Variants in SLC39A11 observed in about 807,000 individuals in gnomAD.
SLC39A11 encodes the protein solute carrier family 39 member 11.
In SLC39A11, 33 loss-of-function variants were observed where a neutral mutation model predicts 36.1. That is an observed-to-expected ratio of 0.91 (90% CI 0.69 to 1.22). The LOEUF is 1.22. SLC39A11 is among the 50% of genes most tolerant of loss of function. The pLI is 0.00. For missense variants in SLC39A11, 432 were observed against 430.3 expected (o/e 1.00, Z -0.03); for synonymous variants, 166 against 170.3 (o/e 0.97, Z 0.20).
chr17:72,774,614 G>A (rs534336961), intron 6 of SLC39A11, among the ~76,000 whole-genome samples: 1 of 152,146 alleles, frequency 6.6e-6, no homozygotes, highest in Admixed American at 6.5e-5. Flanking sequence ...CCTGGAGGGG[G>A]ACTCTGATCT....
intron 7 of SLC39A11, among the ~76,000 whole-genome samples, chr17:72,717,024 CAT>C (rs1491095122): frequency 4.9e-4 from 69 of 140,912 alleles, no homozygotes; most frequent in African/African-American, 1.4e-3. Flanking sequence ...CACACACACA[CAT>C]ATACACATAT....
intron 7 of SLC39A11, among the ~76,000 whole-genome samples, chr17:72,691,318 A>C (rs181632915): frequency 1.8e-4 from 28 of 152,146 alleles, no homozygotes; most frequent in Middle Eastern, 6.8e-3. Context: ...AATTCTCTGC[A>C]CCTGTTTCTT....
chr17:72,962,939 C>A (rs924756780), intron 4 of SLC39A11, among the ~76,000 whole-genome samples: 1 of 152,110 alleles, frequency 6.6e-6, no homozygotes, highest in Non-Finnish European at 1.5e-5. Flanking sequence ...TCTGCAAGAC[C>A]AGCAGGAGAC....
chr17:73,000,827 C>T (rs2089779988), intron 4 of SLC39A11, among the ~76,000 whole-genome samples: 1 of 152,188 alleles, frequency 6.6e-6, no homozygotes, highest in African/African-American at 2.4e-5. Flanking sequence ...TACATTTTTG[C>T]TTTGCTAGTT....
intron 7 of SLC39A11, among the ~76,000 whole-genome samples, chr17:72,699,790 G>C (rs986359615): frequency 1.3e-5 from 2 of 152,190 alleles, no homozygotes; most frequent in African/African-American, 4.8e-5. Context: ...GTGTTGCTCT[G>C]TGCTGTTAAC....
intron 3 of SLC39A11, among the ~76,000 whole-genome samples, chr17:73,046,544 T>C (rs2059298468): frequency 6.6e-6 from 1 of 152,194 alleles, no homozygotes; most frequent in Non-Finnish European, 1.5e-5. Flanking sequence ...AAATACTTGT[T>C]TTAGTATAAG....
At chr17:73,045,386 TAAAAAAAAAA>T (rs374832995) in intron 3 of SLC39A11, among the ~76,000 whole-genome samples, 601 of 41,744 alleles carry the variant, frequency 0.014, 8 homozygotes, top group Admixed American at 0.02. Context: ...AAAACAGAGT[TAAAAAAAAAA>T]AAAAAAAAAA....
At chr17:72,728,689 G>C (rs2074033661) in intron 7 of SLC39A11, among the ~76,000 whole-genome samples, 2 of 152,050 alleles carry the variant, frequency 1.3e-5, no homozygotes, top group South Asian at 4.1e-4. Flanking sequence ...GCAGACCATA[G>C]TTTGCCAACC....
intron 3 of SLC39A11, among the ~76,000 whole-genome samples, chr17:73,066,597 G>A (rs1468556191): frequency 6.6e-6 from 1 of 152,118 alleles, no homozygotes; most frequent in Non-Finnish European, 1.5e-5. Flanking sequence ...GCCCAGGCTT[G>A]GCCATTAATA....
At chr17:72,714,871 A>C (rs957653320) in intron 7 of SLC39A11, among the ~76,000 whole-genome samples, 2 of 152,350 alleles carry the variant, frequency 1.3e-5, no homozygotes, top group South Asian at 2.1e-4. Context: ...ACGTGGCCGT[A>C]CTTGTGAAGC....
chr17:73,062,066 G>A (rs1209283042), intron 3 of SLC39A11, among the ~76,000 whole-genome samples: 1 of 152,036 alleles, frequency 6.6e-6, no homozygotes. Context: ...AACAAATTAT[G>A]GAAAAATAAT....
At chr17:73,044,037 C>T (rs1252853364) in intron 3 of SLC39A11, among the ~76,000 whole-genome samples, 2 of 152,050 alleles carry the variant, frequency 1.3e-5, no homozygotes, top group Non-Finnish European at 2.9e-5. Flanking sequence ...TATTAATTAA[C>T]GTAGATGGGC....
intron 4 of SLC39A11, among the ~76,000 whole-genome samples, chr17:73,030,072 C>T (rs138324768): frequency 1.1e-4 from 16 of 152,228 alleles, no homozygotes; most frequent in African/African-American, 3.1e-4. Context: ...TTAAGGAGCA[C>T]GCAGCCTGGA....
chr17:72,900,159 A>AAG (rs764175192), intron 5 of SLC39A11, among the ~76,000 whole-genome samples: 9 of 58,972 alleles, frequency 1.5e-4, no homozygotes, highest in Admixed American at 1.5e-3. Context: ...AAAGAAAAGA[A>AAG]AGAAAGAAAG....
chr17:72,945,810 C>A (rs2466516), intron 5 of SLC39A11, among the ~76,000 whole-genome samples: 1 of 152,020 alleles, frequency 6.6e-6, no homozygotes, highest in Non-Finnish European at 1.5e-5. Context: ...AGCCAACTCC[C>A]CTGACCCCGT....
At position 72,760,174 on chromosome 17, in the gene SLC39A11, G is replaced by A. The variant is rs150712281; in HGVS notation, c.602-23455C>T. Among the ~76,000 whole-genome samples the A allele has an allele frequency of 1.5e-3, 222 of 152,158 alleles. 3 individuals are homozygous for A. Among genetic ancestry groups the A allele is most frequent in the South Asian group, 7.5e-3 (36 of 4,820 alleles). On this transcript the variant is annotated intron_variant, in intron 6 of 9. Transcript: ENST00000255559. ...CCCGAGTAGCTGGGATTACAGGCACGTGCCACCATGCCTGGCTAATTTTTG... is the reference window on the plus strand; with the variant it reads ...CCCGAGTAGCTGGGATTACAGGCACATGCCACCATGCCTGGCTAATTTTTG...
intron 4 of SLC39A11, among the ~76,000 whole-genome samples, chr17:72,974,258 C>T (rs1040181737): frequency 1.3e-5 from 2 of 152,076 alleles, no homozygotes; most frequent in Non-Finnish European, 2.9e-5. Flanking sequence ...CGCCACCACA[C>T]TTGGCTAATT....
At chr17:72,930,717 G>A (rs1012779961) in intron 5 of SLC39A11, among the ~76,000 whole-genome samples, 15 of 152,162 alleles carry the variant, frequency 9.9e-5, no homozygotes, top group African/African-American at 1.9e-4. Context: ...TAAATCTCAC[G>A]GAAGCATCTA....
chr17:72,701,742 A>AG (rs1555642050), intron 7 of SLC39A11, among the ~76,000 whole-genome samples: 252 of 150,712 alleles, frequency 1.7e-3, no homozygotes, highest in African/African-American at 5.9e-3. Flanking sequence ...AAAAAAAAAA[A>AG]AAAAGAAAAA....
Sources: gnomAD v4.1 joint callset for allele counts (sites outside exome capture counted in the v4.1 genomes callset) on GRCh38, gnomAD v4.1.1 for gene constraint, MANE v1.5 for transcripts, NCBI Gene and HGNC (gene_info 2026-07-23, HGNC 2026-07-21) for gene names.